SLC43A2: variants seen among roughly 807,000 people sequenced by gnomAD.
SLC43A2 encodes the protein solute carrier family 43 member 2, also known as large neutral amino acids transporter small subunit 4.
In SLC43A2, 38 loss-of-function variants were observed where a neutral mutation model predicts 63.2. The observed-to-expected ratio is 0.60, with a 90% CI of 0.46 to 0.79. SLC43A2 has a LOEUF of 0.79. SLC43A2 is among the 30% of genes least tolerant of loss of function. The pLI, the probability that SLC43A2 is intolerant of heterozygous loss-of-function variation, is 0.00. For synonymous variants in SLC43A2, 322 were observed against 331.0 expected (o/e 0.97, Z 0.30); for missense variants, 644 against 756.2 (o/e 0.85, Z 1.74).
intron 5 of SLC43A2, among the ~76,000 whole-genome samples, chr17:1,596,309 A>T (rs1028505784): frequency 6.7e-6 from 1 of 149,250 alleles, no homozygotes; most frequent in African/African-American, 2.5e-5. Context: ...AGAGTGCGAG[A>T]CTCCATCTCA....
intron 10 of SLC43A2, among the ~76,000 whole-genome samples, chr17:1,584,487 C>T (rs1056655387): frequency 2.0e-5 from 3 of 152,060 alleles, no homozygotes; most frequent in Non-Finnish European, 2.9e-5. Flanking sequence ...GGCAATAAAC[C>T]GTAGCTTATT....
chr17:1,572,562 G>A lies in SLC43A2; in HGVS notation c.*3042C>T, dbSNP rs2075861920. The A allele has an allele frequency of 6.6e-6, 1 of 152,238 alleles. No homozygotes were observed. Among genetic ancestry groups the A allele is most frequent in the Non-Finnish European group, 1.5e-5 (1 of 68,060 alleles). 9.4% of individuals were successfully genotyped at this position (152,238 alleles called of 1,614,324 possible). A position where few individuals can be genotyped will look rare whatever the true frequency, so the allele number is the denominator to read the frequency against. ...TGTTATCAAGTCAAGGACAACAATA[G>A]GAAAACATGTCACCTGTCAGCTCCA... On this transcript the variant is annotated 3_prime_UTR_variant, in exon 14 of 14. Coordinates refer to ENST00000301335, the MANE Select transcript of SLC43A2 (RefSeq NM_152346.3).
At chr17:1,629,321 C>T (rs1050479693), upstream of SLC43A2, among the ~76,000 whole-genome samples, 3 of 152,140 alleles carry the variant, frequency 2.0e-5, no homozygotes, top group Admixed American at 1.3e-4. Flanking sequence ...AATCCCCACC[C>T]CGCCTCCTCC....
intron 2 of SLC43A2, among the ~76,000 whole-genome samples, chr17:1,627,083 C>T (rs1290834518): frequency 6.6e-6 from 1 of 152,210 alleles, no homozygotes; most frequent in African/African-American, 2.4e-5. Flanking sequence ...TTTCCATAAA[C>T]GTTCCTTTCT....
Position 1,583,532 on chromosome 17 carries a change from G to A in SLC43A2, c.1218-196C>T. The A allele has an allele frequency of 1.2e-6, 1 of 862,738 alleles. No homozygotes were observed. The highest frequency in any genetic ancestry group is 1.7e-6 in the Non-Finnish European group (1 of 584,724). 53.4% of individuals were successfully genotyped at this position (862,738 alleles called of 1,614,324 possible). ...CCGGCCCTTCTCAGTGGCAAGCTGA[G>A]TGTGACTCTCGGAGGGGGTCTCGGG... On this transcript the variant is annotated intron_variant, in intron 10 of 13. Transcript: ENST00000301335. This position sits in a 1 kb window ranked among gnomAD's most constrained non-coding sequence, Gnocchi z 5.5.
intron 5 of SLC43A2, among the ~76,000 whole-genome samples, chr17:1,597,161 C>T (rs768311979): frequency 4.0e-5 from 6 of 150,630 alleles, no homozygotes; most frequent in Admixed American, 6.6e-5. Flanking sequence ...TGCAGTGAGC[C>T]GAGATCGTGC....
chr17:1,593,080 G>A lies in SLC43A2; in HGVS notation c.594+107C>T. ...GCATCCTGCCCGGGTGGGGGTGGTG[G>A]AGAGGGGCCACCCCGGGTGCCCACA... On this transcript the variant is annotated intron_variant, in intron 6 of 13. Transcript: ENST00000301335. The surrounding 1 kb of genome is among the most constrained non-coding windows in gnomAD (Gnocchi z 5.3). The A allele has an allele frequency of 9.5e-7, 1 of 1,047,486 alleles. No individual in the cohort carries two copies. The highest frequency in any genetic ancestry group is 1.4e-6 in the Non-Finnish European group (1 of 695,242). 64.9% of individuals were successfully genotyped at this position (1,047,486 alleles called of 1,614,324 possible). A position where few individuals can be genotyped will look rare whatever the true frequency, so the allele number is the denominator to read the frequency against.
chr17:1,591,752 G>T, intron 6 of SLC43A2, 53 bp from the exon 7 acceptor site: 1 of 1,322,524 alleles, frequency 7.6e-7, no homozygotes. Context: ...GAGTTAGCCC[G>T]GGGAGGCCAG....
chr17:1,610,469 C>T (rs1211034027), intron 5 of SLC43A2, among the ~76,000 whole-genome samples: 2 of 146,178 alleles, frequency 1.4e-5, no homozygotes, highest in Non-Finnish European at 3.0e-5. Context: ...AGGTGTCTCG[C>T]TATGTTGCCC....
chr17:1,583,901 T>C lies in SLC43A2; in HGVS notation c.1218-565A>G, dbSNP rs761837543. Among the ~76,000 whole-genome samples, 2 of 151,246 alleles carry C rather than the reference T, an allele frequency of 1.3e-5. No homozygotes were observed. The highest frequency in any genetic ancestry group is 2.4e-5 in the African/African-American group (1 of 41,058). ...TGTTTTGTTTTGTTTTTTTGTTCTT[T>C]GGGTTTTTTTTTGAGATGGAGTCTC... On this transcript the variant is annotated intron_variant, in intron 10 of 13. Transcript: ENST00000301335. The surrounding 1 kb of genome is among the most constrained non-coding windows in gnomAD (Gnocchi z 5.5).
chr17:1,621,940 G>A (rs1421187145), intron 2 of SLC43A2, among the ~76,000 whole-genome samples: 1 of 152,246 alleles, frequency 6.6e-6, no homozygotes, highest in Non-Finnish European at 1.5e-5. Flanking sequence ...AGGAGGCCCT[G>A]AATATCGCTT....
chr17:1,591,503 G>C (rs753079446), intron 7 of SLC43A2, 32 bp from the exon 8 acceptor site: 1 of 1,611,672 alleles, frequency 6.2e-7, no homozygotes, highest in African/African-American at 1.3e-5. Context: ...TGTGGGTGCT[G>C]CCCGGGACCC....
At chr17:1,585,772 G>A (rs1354315790) in intron 10 of SLC43A2, 141 bp downstream of exon 10, 4 of 1,595,516 alleles carry the variant, frequency 2.5e-6, no homozygotes, top group Non-Finnish European at 2.5e-6. Context: ...GAATGAGTGA[G>A]TCTCTCTAAG....
intron 2 of SLC43A2, among the ~76,000 whole-genome samples, chr17:1,623,571 A>G (rs1394043192): frequency 1.3e-5 from 2 of 151,984 alleles, no homozygotes; most frequent in Admixed American, 6.6e-5. Context: ...ATGGCCTCCC[A>G]GTCCCTGCAG....
chr17:1,588,231 C>A (rs1280037052), intron 9 of SLC43A2, among the ~76,000 whole-genome samples: 1 of 151,738 alleles, frequency 6.6e-6, no homozygotes, highest in African/African-American at 2.4e-5. Flanking sequence ...ACTAAAAATA[C>A]AAAAATTAGC....
upstream of SLC43A2, among the ~76,000 whole-genome samples, chr17:1,629,880 C>T (rs1179909515): frequency 3.3e-5 from 5 of 152,358 alleles, no homozygotes; most frequent in East Asian, 5.8e-4. Context: ...ACTAACCCGA[C>T]CCGGGAAGAC....
At chr17:1,620,093 G>A (rs112308705) in intron 2 of SLC43A2, among the ~76,000 whole-genome samples, 4 of 152,142 alleles carry the variant, frequency 2.6e-5, no homozygotes, top group African/African-American at 7.2e-5. Context: ...GGCCAGGCAC[G>A]GTGGCTCACG....
chr17:1,629,955 C>CA (rs1347524611), upstream of SLC43A2, among the ~76,000 whole-genome samples: 2 of 152,226 alleles, frequency 1.3e-5, no homozygotes, highest in Non-Finnish European at 2.9e-5. Flanking sequence ...CTTAGCACCC[C>CA]AGGGCTGCCG....
intron 11 of SLC43A2, among the ~76,000 whole-genome samples, chr17:1,579,057 C>T (rs2075974370): frequency 6.6e-6 from 1 of 151,250 alleles, no homozygotes; most frequent in Non-Finnish European, 1.5e-5. Context: ...AGGAGAATCG[C>T]TTGAACCAAG....
Sources: allele counts gnomAD v4.1 joint callset (sites outside exome capture counted in the v4.1 genomes callset), GRCh38; gene constraint gnomAD v4.1.1; non-coding constraint Gnocchi (gnomAD v3.1); transcripts MANE v1.5; gene names NCBI Gene and HGNC (gene_info 2026-07-23, HGNC 2026-07-21).